The following SMOC1 variants were observed in gnomAD, a reference collection of about 807,000 sequenced individuals.
SMOC1 encodes the protein SPARC-related modular calcium-binding protein 1.
SMOC1 carries 22 observed loss-of-function variants against 56.3 expected under a neutral mutation model. The ratio of observed to expected loss-of-function variants is 0.39; its 90% CI spans 0.28 to 0.56. SMOC1 has a LOEUF of 0.56. Among genes scored for constraint, SMOC1 ranks in the 20% least tolerant of loss-of-function variants. SMOC1 has a pLI of 0.61. For synonymous variants in SMOC1, 193 were observed against 215.0 expected (o/e 0.90, Z 0.89); for missense variants, 509 against 565.4 (o/e 0.90, Z 1.01).
chr14:69,992,481 C>T lies in SMOC1; in HGVS notation c.583+8C>T. On this transcript the variant is annotated splice_region_variant and intron_variant, in intron 6 of 11. Coordinates refer to ENST00000361956, the MANE Select transcript of SMOC1 (RefSeq NM_001034852.3). ...CGGTGTTCGATGGAGATGGTAAGAT[C>T]TTGCATTACTTCTGATGTTCATTCT... is the stretch of plus-strand genomic sequence containing the variant. 1 of 1,606,104 alleles carries T rather than the reference C, an allele frequency of 6.2e-7. No individual in the cohort carries two copies. The highest frequency in any genetic ancestry group is 1.7e-5 in the Admixed American group (1 of 60,020).
chr14:69,963,315 G>T (rs8003186), intron 3 of SMOC1, among the ~76,000 whole-genome samples: 12,887 of 152,064 alleles, frequency 0.085, 1,264 homozygotes, highest in African/African-American at 0.23. Flanking sequence ...CATGATATTT[G>T]TAAGAAAAGG....
At chr14:69,952,019 T>C in intron 1 of SMOC1, 119 bp from the exon 2 acceptor site, 1 of 1,165,856 alleles carries the variant, frequency 8.6e-7, no homozygotes, top group Non-Finnish European at 1.3e-6. Context: ...CTTTAGGGTT[T>C]TATTTGGGTT....
chr14:70,010,373 T>A (rs1362579020), intron 7 of SMOC1, among the ~76,000 whole-genome samples: 1 of 152,012 alleles, frequency 6.6e-6, no homozygotes, highest in East Asian at 1.9e-4. Flanking sequence ...TGCACCCACC[T>A]CTCCTGCAGT....
At chr14:69,980,614 A>G (rs554110075) in intron 5 of SMOC1, among the ~76,000 whole-genome samples, 3 of 152,272 alleles carry the variant, frequency 2.0e-5, no homozygotes, top group African/African-American at 7.2e-5. Context: ...GGCATTAGTA[A>G]TATCCTGTGT....
intron 7 of SMOC1, among the ~76,000 whole-genome samples, chr14:70,003,765 G>A (rs1319304780): frequency 6.6e-6 from 1 of 152,160 alleles, no homozygotes; most frequent in Non-Finnish European, 1.5e-5. Context: ...TTCCAGGCAG[G>A]GCCTCAGGGA....
At chr14:69,999,467 A>G (rs1054720442) in intron 7 of SMOC1, among the ~76,000 whole-genome samples, 7 of 152,326 alleles carry the variant, frequency 4.6e-5, no homozygotes, top group African/African-American at 1.7e-4. Flanking sequence ...AATCTCGCAC[A>G]TGACGTGATT....
At chr14:69,923,214 G>T (rs1268856247) in intron 1 of SMOC1, among the ~76,000 whole-genome samples, 1 of 151,990 alleles carries the variant, frequency 6.6e-6, no homozygotes, top group East Asian at 1.9e-4. Context: ...CAAAGTGCTG[G>T]GATTACAGGC....
In SMOC1 at chr14:70,004,495, A is replaced by G. The variant is rs111653253; in HGVS notation, c.665-6259A>G. 4.2e-3 allele frequency among the ~76,000 whole-genome samples: 645 copies of G among 152,332 alleles called. 3 individuals are homozygous for G. The highest frequency in any genetic ancestry group is 7.4e-3 in the Non-Finnish European group (502 of 68,020). ...AAGAGCAAAGACTGAGGTTTCCCCA[A>G]AAAGAAGGAATTCCCTCTCCAGACT... On this transcript the variant is annotated intron_variant, in intron 7 of 11. Transcript: ENST00000361956.
At chr14:69,972,866 C>T (rs1883818850) in intron 3 of SMOC1, among the ~76,000 whole-genome samples, 1 of 152,240 alleles carries the variant, frequency 6.6e-6, no homozygotes, top group Non-Finnish European at 1.5e-5. Context: ...CCGTTCTCTG[C>T]AGCCTGCTTA....
chr14:69,891,810 A>C (rs982505895), intron 1 of SMOC1, among the ~76,000 whole-genome samples: 1 of 152,236 alleles, frequency 6.6e-6, no homozygotes, highest in Non-Finnish European at 1.5e-5. Context: ...ATGCCCAGGT[A>C]AATTGGAATT....
intron 1 of SMOC1, among the ~76,000 whole-genome samples, chr14:69,916,313 C>A (rs1884685519): frequency 6.6e-6 from 1 of 152,264 alleles, no homozygotes; most frequent in Non-Finnish European, 1.5e-5. Context: ...TTCTTGCCAC[C>A]TCTGCTGCTA....
chr14:69,925,786 C>A (rs1884993238), intron 1 of SMOC1, among the ~76,000 whole-genome samples: 1 of 152,182 alleles, frequency 6.6e-6, no homozygotes, highest in African/African-American at 2.4e-5. Context: ...CAGGTAGTCT[C>A]CATCCAGCAA....
At chr14:69,967,939 A>G (rs1883629684) in intron 3 of SMOC1, among the ~76,000 whole-genome samples, 1 of 152,246 alleles carries the variant, frequency 6.6e-6, no homozygotes, top group Admixed American at 6.5e-5. Context: ...ACAGACCAAA[A>G]GAATTACACC....
intron 9 of SMOC1, among the ~76,000 whole-genome samples, chr14:70,012,775 G>A (rs769883483): frequency 5.9e-5 from 9 of 152,162 alleles, no homozygotes; most frequent in Admixed American, 2.6e-4. Context: ...GTTCTTCTGT[G>A]CTTTACTGTG....
In SMOC1 at chr14:69,879,774, CA is replaced by C; in HGVS notation, c.97del (p.Arg33GlyfsTer3). On this transcript the variant is annotated frameshift_variant and splice_region_variant, in exon 1 of 12. Transcript: ENST00000361956. LOFTEE classifies it high-confidence loss of function. ...PARGHRTTGP[R>X]FLISDRDPQC... ...CTCGCGGCCACCGCACCACAGGCCC[CA>C]GGGTAAGTGCGCCCCCAGCTTTGCG... 1 of 1,588,136 alleles carries C rather than the reference CA, an allele frequency of 6.3e-7. No homozygotes were observed.
chr14:70,004,889 C>A (rs964302783), intron 7 of SMOC1, among the ~76,000 whole-genome samples: 3 of 152,230 alleles, frequency 2.0e-5, no homozygotes, highest in African/African-American at 7.2e-5. Flanking sequence ...ACTGTCTGCT[C>A]TCTCCACCCG....
At chr14:69,960,592 T>C (rs1452660480) in intron 3 of SMOC1, among the ~76,000 whole-genome samples, 2 of 152,208 alleles carry the variant, frequency 1.3e-5, no homozygotes, top group African/African-American at 4.8e-5. Context: ...TTTTTCCTTT[T>C]TTGTTATATG....
chr14:70,029,387 G>A (rs1334645813), intron 11 of SMOC1, among the ~76,000 whole-genome samples: 1 of 152,184 alleles, frequency 6.6e-6, no homozygotes, highest in Non-Finnish European at 1.5e-5. Context: ...AGGTACATCA[G>A]CACCAGAGCC....
intron 1 of SMOC1, among the ~76,000 whole-genome samples, chr14:69,934,383 C>G (rs1594810275): frequency 6.6e-6 from 1 of 152,294 alleles, no homozygotes; most frequent in East Asian, 1.9e-4. Context: ...CCCCTTCCCC[C>G]ACATCAGAAA....
Sources: allele counts gnomAD v4.1 joint callset (sites outside exome capture counted in the v4.1 genomes callset), GRCh38; gene constraint gnomAD v4.1.1; transcripts MANE v1.5; gene names NCBI Gene and HGNC (gene_info 2026-07-23, HGNC 2026-07-21).